VPS54: variants seen among roughly 807,000 people sequenced by gnomAD.
The protein encoded by VPS54 is VPS54 subunit of GARP complex.
VPS54 carries 45 observed loss-of-function variants against 121.5 expected under a neutral mutation model. That is an observed-to-expected ratio of 0.37 (90% CI 0.29 to 0.47). VPS54 has a LOEUF of 0.47. VPS54 is among the 20% of genes least tolerant of loss of function. The pLI, the probability that VPS54 is intolerant of heterozygous loss-of-function variation, is 0.99. For synonymous variants in VPS54, 371 were observed against 385.8 expected (o/e 0.96, Z 0.45); for missense variants, 1,090 against 1,131.4 (o/e 0.96, Z 0.52).
intron 22 of VPS54, among the ~76,000 whole-genome samples, chr2:63,896,446 G>T (rs192083764): frequency 2.0e-5 from 3 of 152,084 alleles, no homozygotes; most frequent in Non-Finnish European, 4.4e-5. Flanking sequence ...GTTCATTATT[G>T]TCCTTTAAGT....
In VPS54 at chr2:64,019,078, C is replaced by T. The variant is rs915492859; in HGVS notation, c.-161G>A. On this transcript the variant is annotated 5_prime_UTR_variant, in exon 1 of 23. Coordinates refer to ENST00000272322, the MANE Select transcript of VPS54 (RefSeq NM_016516.3). ...GGGCCCGAGCCCGGGTTCCCGCCCCCGCCCCGCGCCCGCTGGCCAGTCGGC... is the reference window on the plus strand; with the variant it reads ...GGGCCCGAGCCCGGGTTCCCGCCCCTGCCCCGCGCCCGCTGGCCAGTCGGC... 2 of 151,362 alleles carry T rather than the reference C, an allele frequency of 1.3e-5. No individual in the cohort carries two copies. The highest frequency in any genetic ancestry group is 3.0e-5 in the Non-Finnish European group (2 of 67,662). The allele number at this position is 151,362 out of a possible 1,614,324, so 9.4% of individuals were successfully genotyped here.
chr2:64,006,558 G>A (rs531142174), intron 1 of VPS54, among the ~76,000 whole-genome samples: 1 of 152,306 alleles, frequency 6.6e-6, no homozygotes, highest in East Asian at 1.9e-4. Flanking sequence ...AATAACTTAT[G>A]TGAGTTCATA....
chr2:63,983,760 C>T, intron 2 of VPS54, 104 bp downstream of exon 2: 1 of 1,395,184 alleles, frequency 7.2e-7, no homozygotes, highest in Non-Finnish European at 9.5e-7. Flanking sequence ...TGATTTTTAA[C>T]ATCATAAAAT....
At chr2:64,000,616 T>C (rs972157937) in intron 1 of VPS54, among the ~76,000 whole-genome samples, 8 of 152,256 alleles carry the variant, frequency 5.3e-5, no homozygotes, top group Admixed American at 4.6e-4. Flanking sequence ...CCAGTAATGC[T>C]GTGGTTCTTG....
intron 20 of VPS54, among the ~76,000 whole-genome samples, chr2:63,900,761 GTTTGT>G (rs1205743893): frequency 6.7e-6 from 1 of 150,050 alleles, no homozygotes; most frequent in Non-Finnish European, 1.5e-5. Flanking sequence ...GGTTTTTTTT[GTTTGT>G]TTTTTTTGAT....
intron 1 of VPS54, among the ~76,000 whole-genome samples, chr2:64,002,905 A>C (rs1330159163): frequency 6.6e-6 from 1 of 152,220 alleles, no homozygotes; most frequent in Non-Finnish European, 1.5e-5. Context: ...CTTATTATTA[A>C]AAAGATCTCC....
At chr2:63,938,050 GGTGTGTGTGGTGTGTGT>G (rs1674536519) in intron 11 of VPS54, among the ~76,000 whole-genome samples, 1 of 134,110 alleles carries the variant, frequency 7.5e-6, no homozygotes, top group Non-Finnish European at 1.6e-5. Context: ...GTGTGTGTGT[GGTGTGTGTGGTGTGTGT>G]GTGTGTGTGT....
At chr2:63,938,059 G>GGTGTGTGTGTGTGT (rs1553475195) in intron 11 of VPS54, among the ~76,000 whole-genome samples, 4,714 of 140,388 alleles carry the variant, frequency 0.034, 104 homozygotes, top group Middle Eastern at 0.044. Flanking sequence ...TGGTGTGTGT[G>GGTGTGTGTGTGTGT]GTGTGTGTGT....
intron 1 of VPS54, among the ~76,000 whole-genome samples, chr2:64,005,086 C>CTTTTTTTTT (rs1559053926): frequency 3.9e-5 from 3 of 76,604 alleles, no homozygotes; most frequent in African/African-American, 1.7e-4. Context: ...TCTACTATTG[C>CTTTTTTTTT]TTCTTTTTTT....
intron 12 of VPS54, among the ~76,000 whole-genome samples, chr2:63,931,670 G>A (rs192109392): frequency 2.6e-5 from 4 of 152,022 alleles, no homozygotes; most frequent in Admixed American, 2.0e-4. Flanking sequence ...CTAATTAAAC[G>A]GAAGAGCTTC....
intron 12 of VPS54, among the ~76,000 whole-genome samples, chr2:63,933,410 T>G (rs1674305959): frequency 6.6e-6 from 1 of 152,154 alleles, no homozygotes; most frequent in African/African-American, 2.4e-5. Context: ...ATCAATTACC[T>G]TATCACTGAA....
At position 64,019,058 on chromosome 2, in the gene VPS54, C is replaced by G. The variant is rs1220954739; in HGVS notation, c.-141G>C. On this transcript the variant is annotated 5_prime_UTR_variant, in exon 1 of 23. Coordinates refer to ENST00000272322, the MANE Select transcript of VPS54 (RefSeq NM_016516.3). ...CCGCCGCCCGGCGCCCGGCCGGGCC[C>G]GAGCCCGGGTTCCCGCCCCCGCCCC... 1 of 150,448 alleles carries G rather than the reference C, an allele frequency of 6.6e-6. No homozygotes were observed. Among genetic ancestry groups the G allele is most frequent in the Non-Finnish European group, 1.5e-5 (1 of 67,406 alleles). 9.3% of individuals were successfully genotyped at this position (150,448 alleles called of 1,614,324 possible).
In VPS54 at chr2:63,972,764, G is replaced by C. The variant is rs370626642; in HGVS notation, c.379-520C>G. ...GTAGTGGCGCACACCTGAAATCCCA[G>C]CTATTGGGGAGGCTGAGGCACAAGA... On this transcript the variant is annotated intron_variant, in intron 3 of 22. Transcript: ENST00000272322. Among the ~76,000 whole-genome samples, 5 of 152,060 alleles carry C rather than the reference G, an allele frequency of 3.3e-5. No individual in the cohort carries two copies. The South Asian group carries it at 8.3e-4, about 25-fold the overall frequency.
intron 21 of VPS54, among the ~76,000 whole-genome samples, chr2:63,898,731 C>G (rs1434332440): frequency 6.6e-6 from 1 of 151,818 alleles, no homozygotes; most frequent in East Asian, 1.9e-4. Flanking sequence ...TAATATTATA[C>G]CATTTATTCT....
At chr2:63,997,933 C>T (rs761429920) in intron 1 of VPS54, among the ~76,000 whole-genome samples, 35 of 152,136 alleles carry the variant, frequency 2.3e-4, no homozygotes, top group Non-Finnish European at 4.7e-4. Flanking sequence ...TTAATTTCTT[C>T]ATTGACTCAC....
intron 5 of VPS54, among the ~76,000 whole-genome samples, chr2:63,967,582 G>C (rs1290294096): frequency 6.6e-6 from 1 of 151,848 alleles, no homozygotes; most frequent in African/African-American, 2.4e-5. Context: ...AGCCAGGCCT[G>C]GTAGCAGGCG....
At chr2:63,928,832 A>C (rs972874586) in intron 12 of VPS54, among the ~76,000 whole-genome samples, 2 of 146,630 alleles carry the variant, frequency 1.4e-5, no homozygotes, top group Non-Finnish European at 3.0e-5. Context: ...AAGCAAATGG[A>C]AAGCAAAAAA....
chr2:63,993,488 T>A (rs1321428227), intron 1 of VPS54, among the ~76,000 whole-genome samples: 1 of 152,172 alleles, frequency 6.6e-6, no homozygotes, highest in African/African-American at 2.4e-5. Context: ...ACATAATGAT[T>A]TAGCGGAGTG....
At chr2:63,953,072 C>A (rs1675329455) in intron 7 of VPS54, among the ~76,000 whole-genome samples, 1 of 151,008 alleles carries the variant, frequency 6.6e-6, no homozygotes, top group Non-Finnish European at 1.5e-5. Flanking sequence ...TTCATTATTT[C>A]CCCTCTAGAA....
Sources: allele counts gnomAD v4.1 joint callset (sites outside exome capture counted in the v4.1 genomes callset), GRCh38; gene constraint gnomAD v4.1.1; transcripts MANE v1.5; gene names NCBI Gene and HGNC (gene_info 2026-07-23, HGNC 2026-07-21).